CRB1: variants seen among roughly 807,000 people sequenced by gnomAD.
The protein encoded by CRB1 is crumbs cell polarity complex component 1, also known as protein crumbs homolog 1.
CRB1 carries 83 observed loss-of-function variants against 120.0 expected under a neutral mutation model. That is an observed-to-expected ratio of 0.69 (90% CI 0.58 to 0.83). The LOEUF (loss-of-function observed/expected upper bound fraction) is 0.83. CRB1 is among the 40% of genes least tolerant of loss of function. The pLI, the probability that CRB1 is intolerant of heterozygous loss-of-function variation, is 0.00. For synonymous variants in CRB1, 625 were observed against 612.5 expected, an observed-to-expected ratio of 1.02 and a Z score of -0.30; for missense variants, 1,699 against 1,687.6, an observed-to-expected ratio of 1.01 and a Z score of -0.12.
chr1:197,374,335 A>G (rs915224042), intron 5 of CRB1, among the ~76,000 whole-genome samples: 2 of 152,076 alleles, frequency 1.3e-5, no homozygotes, highest in African/African-American at 4.8e-5. Context: ...ACGTGGGAAA[A>G]GGCTTGGTCC....
chr1:197,383,695 A>C (rs1662071962), intron 5 of CRB1, among the ~76,000 whole-genome samples: 1 of 152,126 alleles, frequency 6.6e-6, no homozygotes, highest in Admixed American at 6.6e-5. Flanking sequence ...CTCGGAGTTT[A>C]GTTTTTCTTC....
At chr1:197,249,811 T>C in the CRB1 span, among the ~76,000 whole-genome samples, 1 of 152,024 alleles carries the variant, frequency 6.6e-6, no homozygotes, top group African/African-American at 2.4e-5. Context: ...TCTGACATTT[T>C]AAGTAGCAGG....
intron 1 of CRB1, among the ~76,000 whole-genome samples, chr1:197,280,773 T>G (rs117615229): frequency 1.1e-4 from 16 of 151,920 alleles, no homozygotes; most frequent in Non-Finnish European, 2.1e-4. Flanking sequence ...TAGTAGATAT[T>G]TCACTGTTAA....
intron 1 of CRB1, among the ~76,000 whole-genome samples, chr1:197,278,050 G>A (rs1655314719): frequency 6.6e-6 from 1 of 151,942 alleles, no homozygotes; most frequent in Non-Finnish European, 1.5e-5. Context: ...CAAGTTGGCT[G>A]CAGCTCTGCC....
chr1:197,253,187 C>A, the CRB1 span, among the ~76,000 whole-genome samples: 1 of 152,068 alleles, frequency 6.6e-6, no homozygotes, highest in Non-Finnish European at 1.5e-5. Flanking sequence ...TCTCTCTCAG[C>A]ATTCCTTAGT....
chr1:197,459,818 A>G (rs1666442571), intron 11 of CRB1, among the ~76,000 whole-genome samples: 2 of 152,060 alleles, frequency 1.3e-5, no homozygotes, highest in African/African-American at 4.8e-5. Flanking sequence ...TTCTTCCAGA[A>G]TTTTTTAAAA....
upstream of CRB1, among the ~76,000 whole-genome samples, chr1:197,266,495 GA>G (rs1276857661): frequency 6.6e-6 from 1 of 152,070 alleles, no homozygotes; most frequent in Admixed American, 6.6e-5. Context: ...GGGAAGGGGG[GA>G]AAACATTCAG....
intron 8 of CRB1, among the ~76,000 whole-genome samples, chr1:197,434,495 T>C (rs909127471): frequency 6.6e-6 from 1 of 152,120 alleles, no homozygotes; most frequent in African/African-American, 2.4e-5. Flanking sequence ...GAGTCTCAAC[T>C]TCTTCTTCCA....
chr1:197,340,843 A>G (rs1423288956), intron 2 of CRB1, among the ~76,000 whole-genome samples: 1 of 152,024 alleles, frequency 6.6e-6, no homozygotes, highest in African/African-American at 2.4e-5. Context: ...GTCCATTTTC[A>G]CTCTGCTAAT....
chr1:197,240,485 G>T, the CRB1 span, among the ~76,000 whole-genome samples: 1 of 152,122 alleles, frequency 6.6e-6, no homozygotes, highest in African/African-American at 2.4e-5. Flanking sequence ...TTCTGTTCCT[G>T]TGTTAGTTTG....
At chr1:197,434,310 A>G (rs138578103) in intron 8 of CRB1, among the ~76,000 whole-genome samples, 29 of 152,308 alleles carry the variant, frequency 1.9e-4, no homozygotes, top group African/African-American at 6.5e-4. Context: ...GTGTAAAATG[A>G]ATTATCAATG....
the CRB1 span, among the ~76,000 whole-genome samples, chr1:197,252,572 ATATATATATATGTGTGTGTGTG>A: frequency 5.5e-3 from 266 of 48,574 alleles, 2 homozygotes; most frequent in Non-Finnish European, 9.9e-3. Flanking sequence ...ATATATATAT[ATATATATATATGTGTGTGTGTG>A]TGTGTGTGTG....
At chr1:197,453,539 T>TAG (rs1181738570) in intron 11 of CRB1, among the ~76,000 whole-genome samples, 19 of 58,506 alleles carry the variant, frequency 3.2e-4, no homozygotes, top group African/African-American at 7.4e-4. Flanking sequence ...TATATATATA[T>TAG]AGAGAGAGAG....
At chr1:197,411,738 A>G (rs964442831) in intron 5 of CRB1, among the ~76,000 whole-genome samples, 1 of 152,268 alleles carries the variant, frequency 6.6e-6, no homozygotes, top group African/African-American at 2.4e-5. Context: ...ATAAGTATAT[A>G]TTGTGTTAAA....
chr1:197,227,437 G>A, the CRB1 span, among the ~76,000 whole-genome samples: 3 of 150,386 alleles, frequency 2.0e-5, no homozygotes, highest in Admixed American at 1.3e-4. Context: ...CATCGCCCAG[G>A]CTGGAGTGCG....
rs1558085159 is a variant in CRB1 at position 197,365,622 on chromosome 1, TCTTC to T, written c.1171+8610_1171+8613del. ...TCCTTCTCCTTCTCCTTCTTCTTCT[TCTTC>T]TTTTTTTTTTTTTTTTATCAGTAGG... is the stretch of plus-strand genomic sequence containing the variant. On this transcript the variant is annotated intron_variant, in intron 5 of 11. Transcript: ENST00000367400. Among the ~76,000 whole-genome samples the T allele has an allele frequency of 1.8e-4, 23 of 129,708 alleles. 1 individual carries two copies. The highest frequency in any genetic ancestry group is 6.1e-4 in the African/African-American group (14 of 22,952). The allele number at this position is 129,708 out of a possible 152,430, so 85.1% of individuals were successfully genotyped here.
chr1:197,341,726 AC>A (rs1226278663), intron 2 of CRB1, among the ~76,000 whole-genome samples: 2 of 152,044 alleles, frequency 1.3e-5, no homozygotes, highest in Admixed American at 6.5e-5. Flanking sequence ...TTCCCAATGC[AC>A]CTTTAATCCC....
chr1:197,339,610 G>A (rs67202753), intron 2 of CRB1, among the ~76,000 whole-genome samples: 21,402 of 152,148 alleles, frequency 0.14, 1,695 homozygotes, highest in South Asian at 0.2. Context: ...ACCTTGCTGC[G>A]TGCATGGTGT....
At position 197,415,641 on chromosome 1, in the gene CRB1, C is replaced by CTT. The variant is rs55654070; in HGVS notation, c.1172-5341_1172-5340dup. On this transcript the variant is annotated intron_variant, in intron 5 of 11. Coordinates refer to ENST00000367400, the MANE Select transcript of CRB1 (RefSeq NM_201253.3). ...TTTTTTTCTTTTTCTTTTTTCTTTT[C>CTT]TTTTTTTTTTTTTTTTTTTGAGACA... Among the ~76,000 whole-genome samples the CTT allele has an allele frequency of 9.5e-4, 89 of 94,014 alleles. 1 individual carries two copies. The highest frequency in any genetic ancestry group is 1.4e-3 in the Non-Finnish European group (74 of 51,356). The allele number at this position is 94,014 out of a possible 152,430, so 61.7% of individuals were successfully genotyped here. A position where few individuals can be genotyped will look rare whatever the true frequency, so the allele number is the denominator to read the frequency against.
Sources: allele counts gnomAD v4.1 joint callset (sites outside exome capture counted in the v4.1 genomes callset), GRCh38; gene constraint gnomAD v4.1.1; transcripts MANE v1.5; gene names NCBI Gene and HGNC (gene_info 2026-07-23, HGNC 2026-07-21).